Variants in PRMT7 observed in about 807,000 individuals in gnomAD.
PRMT7 encodes protein arginine methyltransferase 7.
PRMT7 carries 75 observed loss-of-function variants against 85.4 expected under a neutral mutation model. That is an observed-to-expected ratio of 0.88 (90% confidence interval 0.73 to 1.06). PRMT7 has a LOEUF of 1.06. Among genes scored for constraint, PRMT7 ranks in the 50% least tolerant of loss-of-function variants. The pLI, the probability that PRMT7 is intolerant of heterozygous loss-of-function variation, is 0.00. For missense variants in PRMT7, 868 were observed against 915.2 expected, an observed-to-expected ratio of 0.95 and a Z score of 0.67; for synonymous variants, 397 against 359.5, an observed-to-expected ratio of 1.10 and a Z score of -1.18.
intron 2 of PRMT7, 61 bp from the exon 3 acceptor site, chr16:68,315,836 T>G: frequency 1.4e-6 from 1 of 700,412 alleles, no homozygotes; most frequent in South Asian, 1.6e-5. Flanking sequence ...ATTGTGCTGT[T>G]AATAGATTTT....
intron 14 of PRMT7, among the ~76,000 whole-genome samples, chr16:68,350,320 T>TCGA (rs2087112110): frequency 1.3e-5 from 2 of 152,162 alleles, no homozygotes; most frequent in African/African-American, 4.8e-5. Context: ...GTAGTTACGA[T>TCGA]CGACTTTTTA....
At position 68,339,818 on chromosome 16, in the gene PRMT7, A is replaced by C; in HGVS notation, c.777A>C (p.Ser259=). ...ACTTCAGCAAGCAAGTCAGTAGCTC[A>C]GCAGCCTGCCATAGCAGGCGGTTTG... ...SIDFSKQVSS[S]AACHSRRFEP... Residue 259 remains serine, a synonymous_variant, in exon 9 of 19, where the codon TCA becomes TCC. Transcript: ENST00000441236. The C allele has an allele frequency of 6.2e-7, 1 of 1,614,164 alleles. No homozygotes were observed. The highest frequency in any genetic ancestry group is 8.5e-7 in the Non-Finnish European group (1 of 1,179,946).
In PRMT7 at chr16:68,346,221, CG is replaced by C. The variant is rs1567717994; in HGVS notation, c.1134del (p.Phe379LeufsTer17). The C allele has an allele frequency of 3.1e-6, 5 of 1,614,188 alleles. No homozygotes were observed. The highest frequency in any genetic ancestry group is 3.4e-6 in the Non-Finnish European group (4 of 1,180,040). On this transcript the variant is annotated frameshift_variant, in exon 11 of 19. Coordinates refer to ENST00000441236, the MANE Select transcript of PRMT7 (RefSeq NM_019023.5). LOFTEE classifies it high-confidence loss of function. ...CQAHLLWNRP[R>X]FGEINDQDRT... ...GGCTCACCTGCTCTGGAACCGGCCT[CG>C]GTTTGGAGAGATCAATGACCAGGAC...
rs1285817888 is a variant in PRMT7, at chr16:68,357,214, C to T, written c.2069C>T (p.Thr690Ile). 7 of 1,611,898 alleles carry T rather than the reference C, an allele frequency of 4.3e-6. No individual in the cohort carries two copies. Among genetic ancestry groups the T allele is most frequent in the Middle Eastern group, 1.6e-4 (1 of 6,072 alleles). ...ATCATGGAGTTCAGGCATGCAGATA[C>T]CCCAGACTGACCACTCTTGAGCAAT... is the stretch of plus-strand genomic sequence containing the variant. ...DIIMEFRHAD[T>I]PD The change falls in exon 19 of 19, where the codon ACC becomes ATC. Residue 690 changes from threonine (T) to isoleucine (I), a missense_variant. Coordinates refer to ENST00000441236, the MANE Select transcript of PRMT7 (RefSeq NM_019023.5).
At chr16:68,348,074 C>T (rs937129148) in intron 13 of PRMT7, among the ~76,000 whole-genome samples, 4 of 152,298 alleles carry the variant, frequency 2.6e-5, no homozygotes, top group Middle Eastern at 3.4e-3. Flanking sequence ...GAACTCCCTT[C>T]ACCAGAACTG....
At position 68,311,048 on chromosome 16, in the gene PRMT7, G is replaced by A; in HGVS notation, c.-270G>A. 1 of 903,392 alleles carries A rather than the reference G, an allele frequency of 1.1e-6. No homozygotes were observed. Among genetic ancestry groups the A allele is most frequent in the Non-Finnish European group, 1.8e-6 (1 of 570,614 alleles). 56.0% of individuals were successfully genotyped at this position (903,392 alleles called of 1,614,324 possible). On this transcript the variant is annotated 5_prime_UTR_variant, in exon 1 of 19. Coordinates refer to ENST00000441236, the MANE Select transcript of PRMT7 (RefSeq NM_019023.5). ...CTGCGAGGTCCCGCCCCGCGTGCTG[G>A]CCGCGGTAAAAGTGGTAGCAGCGGA...
At chr16:68,340,544 G>A (rs2085350666) in intron 9 of PRMT7, among the ~76,000 whole-genome samples, 1 of 150,160 alleles carries the variant, frequency 6.7e-6, no homozygotes, top group Admixed American at 6.7e-5. Flanking sequence ...CTGCATTACT[G>A]CACTCCCGCC....
At position 68,315,959 on chromosome 16, in the gene PRMT7, A is replaced by G; in HGVS notation, c.-21A>G. The stretch of plus-strand genomic sequence containing the variant: ...GGCAAGGCTGCTTTTCTGTGCTAAA[A>G]CTGGGGAGCTAGTGGGCACCATGAA... On this transcript the variant is annotated 5_prime_UTR_variant, in exon 3 of 19. Transcript: ENST00000441236. 6.2e-7 allele frequency: 1 copy of G among 1,610,472 alleles called. No homozygotes were observed. The highest frequency in any genetic ancestry group is 1.1e-5 in the South Asian group (1 of 90,616).
chr16:68,326,966 G>T (rs547299215), intron 5 of PRMT7, among the ~76,000 whole-genome samples: 1 of 152,190 alleles, frequency 6.6e-6, no homozygotes, highest in Non-Finnish European at 1.5e-5. Flanking sequence ...AGTGATTGGT[G>T]AGAACTAGGG....
At chr16:68,347,424 T>A (rs1369031995) in intron 12 of PRMT7, 130 bp downstream of exon 12, 2 of 1,103,210 alleles carry the variant, frequency 1.8e-6, no homozygotes, top group Non-Finnish European at 2.6e-6. Flanking sequence ...CATGCTCGGG[T>A]CAGGGGCTGG....
intron 17 of PRMT7, 81 bp downstream of exon 17, chr16:68,355,964 G>A (rs1030778699): frequency 3.6e-6 from 5 of 1,380,964 alleles, no homozygotes; most frequent in Non-Finnish European, 4.7e-6. Context: ...AGCACAGCTG[G>A]CCTGGGAGAC....
At chr16:68,350,085 C>T (rs1025723252) in intron 14 of PRMT7, among the ~76,000 whole-genome samples, 6 of 152,316 alleles carry the variant, frequency 3.9e-5, no homozygotes, top group Admixed American at 6.5e-5. Flanking sequence ...TGGCTCCTTT[C>T]GCTGAGCATA....
intron 3 of PRMT7, among the ~76,000 whole-genome samples, chr16:68,317,984 C>G (rs1702752534): frequency 6.6e-6 from 1 of 152,048 alleles, no homozygotes; most frequent in Non-Finnish European, 1.5e-5. Context: ...AGGGTGGTAG[C>G]AAAATGCAGG....
At chr16:68,314,131 G>T (rs1205892693) in intron 2 of PRMT7, among the ~76,000 whole-genome samples, 65 of 152,228 alleles carry the variant, frequency 4.3e-4, no homozygotes, top group Admixed American at 4.3e-3. Context: ...TAGGTATGCT[G>T]AGATTTTAGT....
intron 9 of PRMT7, among the ~76,000 whole-genome samples, chr16:68,340,522 A>G (rs1173656980): frequency 6.6e-5 from 10 of 152,016 alleles, no homozygotes; most frequent in Admixed American, 5.9e-4. Context: ...TTGAGGCTGC[A>G]GTGAGTCGGG....
At chr16:68,317,237 CAAAAA>C (rs35849810) in intron 3 of PRMT7, among the ~76,000 whole-genome samples, 1 of 104,160 alleles carries the variant, frequency 9.6e-6, no homozygotes, top group Admixed American at 1.1e-4. Flanking sequence ...GACTCTGTCT[CAAAAA>C]AAAAAAAAAA....
At chr16:68,339,023 A>G (rs2085122638) in intron 7 of PRMT7, among the ~76,000 whole-genome samples, 1 of 152,190 alleles carries the variant, frequency 6.6e-6, no homozygotes. Context: ...CACTGAGCCC[A>G]GAGCCAGGAT....
At chr16:68,312,253 C>CA (rs2043941014) in intron 2 of PRMT7, 77 bp downstream of exon 2, 3 of 145,214 alleles carry the variant, frequency 2.1e-5, no homozygotes, top group Non-Finnish European at 4.5e-5. Flanking sequence ...GACAGGGTCT[C>CA]ACTCTGTCAC....
At chr16:68,331,723 C>T (rs1003710197) in intron 6 of PRMT7, among the ~76,000 whole-genome samples, 1 of 151,748 alleles carries the variant, frequency 6.6e-6, no homozygotes, top group Admixed American at 6.5e-5. Flanking sequence ...ATTCTCCCAC[C>T]TCAGCATCCC....
Sources: allele counts gnomAD v4.1 joint callset (sites outside exome capture counted in the v4.1 genomes callset), GRCh38; gene constraint gnomAD v4.1.1; transcripts MANE v1.5; gene names NCBI Gene and HGNC (gene_info 2026-07-23, HGNC 2026-07-21).